Variants in CHD7 observed in about 807,000 individuals in gnomAD.
CHD7 encodes the protein chromodomain helicase DNA binding protein 7.
A neutral mutation model predicts 307.3 loss-of-function variants in CHD7; 24 were observed. That is an observed-to-expected ratio of 0.08 (90% confidence interval 0.06 to 0.11). The LOEUF (loss-of-function observed/expected upper bound fraction) is 0.11. Among genes scored for constraint, CHD7 ranks in the 10% least tolerant of loss-of-function variants. The pLI is 1.00. For synonymous variants in CHD7, 1,363 were observed against 1,349.9 expected, an observed-to-expected ratio of 1.01 and a Z score of -0.21; for missense variants, 3,106 against 3,727.1, an observed-to-expected ratio of 0.83 and a Z score of 4.34.
intron 26 of CHD7, 148 bp downstream of exon 26, chr8:60,850,770 T>TA (rs765546038): frequency 1.1e-4 from 88 of 823,450 alleles, no homozygotes; most frequent in Non-Finnish European, 1.6e-4. Flanking sequence ...TTGTATGTCG[T>TA]AATGACTGTT....
At chr8:60,761,131 G>A (rs1261589716) in intron 2 of CHD7, among the ~76,000 whole-genome samples, 1 of 151,820 alleles carries the variant, frequency 6.6e-6, no homozygotes, top group Non-Finnish European at 1.5e-5. Context: ...AGAAAATGTG[G>A]CACATATACA....
intron 1 of CHD7, among the ~76,000 whole-genome samples, chr8:60,727,369 C>G (rs978470157): frequency 1.3e-5 from 2 of 152,044 alleles, no homozygotes; most frequent in African/African-American, 4.8e-5. Context: ...CTCAAGTGAT[C>G]CCCCCCACCT....
At position 60,867,377 on chromosome 8, in the gene CHD7, T is replaced by G. The variant is rs4237040; in HGVS notation, c.*1444T>G. The G allele has an allele frequency of 0.47, 71,012 of 152,106 alleles. 20,056 individuals are homozygous for G. The highest frequency in any genetic ancestry group is 0.74 in the East Asian group (3,813 of 5,180). 9.4% of individuals were successfully genotyped at this position (152,106 alleles called of 1,614,324 possible). A position where few individuals can be genotyped will look rare whatever the true frequency, so the allele number is the denominator to read the frequency against. On this transcript the variant is annotated 3_prime_UTR_variant, in exon 38 of 38. Coordinates refer to ENST00000423902, the MANE Select transcript of CHD7 (RefSeq NM_017780.4). ...ACCAGCGCTCGATGCCAGAAACCAGTGTGTGGAAAAACCCATGTGGAATTG... is the reference window on the plus strand; with the variant it reads ...ACCAGCGCTCGATGCCAGAAACCAGGGTGTGGAAAAACCCATGTGGAATTG...
At chr8:60,684,196 G>T (rs1361257509) in intron 1 of CHD7, among the ~76,000 whole-genome samples, 2 of 152,138 alleles carry the variant, frequency 1.3e-5, no homozygotes, top group Non-Finnish European at 2.9e-5. Flanking sequence ...GTAAAGGCTG[G>T]TTCACTCTCA....
Position 60,781,195 on chromosome 8 carries a change from C to T in CHD7, c.1861C>T (p.Pro621Ser), listed in dbSNP as rs1352495187. 2 of 1,602,732 alleles carry T rather than the reference C, an allele frequency of 1.2e-6. No individual in the cohort carries two copies. The highest frequency in any genetic ancestry group is 1.3e-5 in the African/African-American group (1 of 74,816). ...TAAAGGTTTTGGTAAAGATGACTTC[C>T]CTGGTGGGGTAGATAACCAAGAACT... ...PSKGFGKDDF[P>S]GGVDNQELNR... The change falls in exon 3 of 38, where the codon CCT becomes TCT. Residue 621 changes from proline (P) to serine (S), a missense_variant. Transcript: ENST00000423902.
At chr8:60,690,953 C>T (rs1349214920) in intron 1 of CHD7, among the ~76,000 whole-genome samples, 1 of 152,154 alleles carries the variant, frequency 6.6e-6, no homozygotes, top group East Asian at 1.9e-4. Context: ...TTGACGGAGT[C>T]CTGCTCTGTC....
At chr8:60,728,113 A>C (rs1808262366) in intron 1 of CHD7, among the ~76,000 whole-genome samples, 1 of 152,216 alleles carries the variant, frequency 6.6e-6, no homozygotes, top group Non-Finnish European at 1.5e-5. Context: ...TAAAATGCAC[A>C]ACTCTCTTAA....
chr8:60,748,768 C>T (rs547266409), intron 2 of CHD7, among the ~76,000 whole-genome samples: 1 of 152,230 alleles, frequency 6.6e-6, no homozygotes, highest in Non-Finnish European at 1.5e-5. Context: ...TTTTTAGGAT[C>T]TGCAACAAGG....
rs1242246354 is a variant in CHD7, at chr8:60,862,851, A to AT, written c.8076+202dup. 355 of 542,720 alleles carry AT rather than the reference A, an allele frequency of 6.5e-4. 4 individuals are homozygous for AT. In the East Asian group the frequency reaches 0.01, roughly 16 times the overall value. The allele number at this position is 542,720 out of a possible 1,614,324, so 33.6% of individuals were successfully genotyped here. A position where few individuals can be genotyped will look rare whatever the true frequency, so the allele number is the denominator to read the frequency against. Reference sequence around the variant, plus strand: ...AAAGTGAATTCATTTATCAGCTCCAATTTAAAAGGTTTGTATGGAAACATA... The same window carrying AT: ...AAAGTGAATTCATTTATCAGCTCCAATTTTAAAAGGTTTGTATGGAAACATA... On this transcript the variant is annotated intron_variant, in intron 37 of 37. Transcript: ENST00000423902.
intron 13 of CHD7, 34 bp downstream of exon 13, chr8:60,824,050 G>C: frequency 1.3e-6 from 2 of 1,580,186 alleles, no homozygotes; most frequent in South Asian, 2.3e-5. Flanking sequence ...CACTGAACCT[G>C]AATAGAATTG....
At position 60,850,764 on chromosome 8, in the gene CHD7, A is replaced by G. The variant is rs141314884; in HGVS notation, c.5534+142A>G. ...ATGTTTACCAGTCTACTCTATTTGT[A>G]TGTCGTAATGACTGTTTAAACAATA... On this transcript the variant is annotated intron_variant, in intron 26 of 37. Coordinates refer to ENST00000423902, the MANE Select transcript of CHD7 (RefSeq NM_017780.4). The G allele has an allele frequency of 8.8e-4, 739 of 842,210 alleles. 6 individuals are homozygous for G. In the African/African-American group the frequency reaches 0.011, roughly 12 times the overall value. 52.2% of individuals were successfully genotyped at this position (842,210 alleles called of 1,614,324 possible).
intron 25 of CHD7, 117 bp from the exon 26 acceptor site, chr8:60,850,376 G>A (rs2150804275): frequency 3.1e-6 from 4 of 1,272,558 alleles, no homozygotes; most frequent in African/African-American, 1.5e-5. Flanking sequence ...GGATTCAACA[G>A]AGATGCTAAC....
chr8:60,826,377 T>C (rs1804254836), intron 13 of CHD7, among the ~76,000 whole-genome samples: 1 of 152,244 alleles, frequency 6.6e-6, no homozygotes, highest in African/African-American at 2.4e-5. Context: ...CAGAATATAA[T>C]TATGTTTGTC....
chr8:60,847,962 A>G (rs4738832), intron 23 of CHD7, among the ~76,000 whole-genome samples: 119,584 of 151,968 alleles, frequency 0.79, 47,273 homozygotes, highest in East Asian at 0.94. Context: ...CCACCCTGTC[A>G]CCATCTTCCT....
chr8:60,742,156 A>G lies in CHD7; in HGVS notation c.724A>G (p.Ser242Gly). ...CCACTTGTCCCACGTGCCCCAGCAG[A>G]GTCCCAGCATGGCACCTTCCTTGCG... The part of the protein sequence containing the change: ...PGHLSHVPQQ[S>G]PSMAPSLRHS... Residue 242 changes from serine to glycine, a missense_variant, in exon 2 of 38, where the codon AGT (serine) becomes GGT (glycine). Ser to Gly is a moderately conservative substitution (Grantham distance 56). Transcript: ENST00000423902. 6.2e-7 allele frequency: 1 copy of G among 1,613,974 alleles called. No individual in the cohort carries two copies.
intron 27 of CHD7, 53 bp downstream of exon 27, chr8:60,851,157 C>A (rs895932571): frequency 1.4e-6 from 2 of 1,472,074 alleles, no homozygotes; most frequent in Non-Finnish European, 1.9e-6. Flanking sequence ...ATTATATGCC[C>A]ACATAAGACT....
chr8:60,728,336 C>T (rs1264695609), intron 1 of CHD7, among the ~76,000 whole-genome samples: 3 of 152,186 alleles, frequency 2.0e-5, no homozygotes, highest in Non-Finnish European at 4.4e-5. Flanking sequence ...TACCCCAACC[C>T]AAAACCCACC....
chr8:60,807,393 A>G (rs1029906641), intron 6 of CHD7, among the ~76,000 whole-genome samples: 20 of 152,226 alleles, frequency 1.3e-4, no homozygotes, highest in African/African-American at 4.8e-4. Flanking sequence ...ATTACATATT[A>G]TGACTTGTTT....
chr8:60,854,035 C>CT (rs1805595512), intron 31 of CHD7, among the ~76,000 whole-genome samples: 1 of 152,168 alleles, frequency 6.6e-6, no homozygotes, highest in Non-Finnish European at 1.5e-5. Flanking sequence ...AAGGTCAGCC[C>CT]TTTTTTCTGT....
Sources: allele counts gnomAD v4.1 joint callset (sites outside exome capture counted in the v4.1 genomes callset), GRCh38; gene constraint gnomAD v4.1.1; transcripts MANE v1.5; gene names NCBI Gene and HGNC (gene_info 2026-07-23, HGNC 2026-07-21).